ACTL8: variants seen among roughly 807,000 people sequenced by gnomAD.
ACTL8 encodes the protein actin like 8.
Under a neutral mutation model 9.3 loss-of-function variants are expected in ACTL8, and 3 were observed. That is an observed-to-expected ratio of 0.32 (90% CI 0.15 to 0.83). The LOEUF is 0.83. Ranked by LOEUF, ACTL8 falls within the 40% of genes least tolerant of loss-of-function variation. ACTL8 has a pLI of 0.57. For synonymous variants in ACTL8, 224 were observed against 205.9 expected, an observed-to-expected ratio of 1.09 and a Z score of -0.75; for missense variants, 381 against 492.2, an observed-to-expected ratio of 0.77 and a Z score of 2.14.
Position 17,790,249 on chromosome 1 carries a change from C to T in ACTL8, c.-24-32736C>T, listed in dbSNP as rs370951175. ...GGAGTCACAGCCCTGGCATGGGGAG[C>T]TCCCAGGTCTGGGCTCCCTGAAGGG... On this transcript the variant is annotated intron_variant, in intron 1 of 2. Transcript: ENST00000375406. 1.8e-4 allele frequency among the ~76,000 whole-genome samples: 28 copies of T among 152,376 alleles called. No homozygotes were observed. The East Asian group carries it at 3.7e-3, about 20-fold the overall frequency.
At chr1:17,773,484 T>C (rs536698170) in intron 1 of ACTL8, among the ~76,000 whole-genome samples, 4 of 152,354 alleles carry the variant, frequency 2.6e-5, no homozygotes, top group African/African-American at 9.6e-5. Context: ...AATAGCCAAA[T>C]ACAGTGGTAG....
At chr1:17,777,865 T>G (rs1267344881) in intron 1 of ACTL8, among the ~76,000 whole-genome samples, 1 of 152,076 alleles carries the variant, frequency 6.6e-6, no homozygotes, top group Non-Finnish European at 1.5e-5. Context: ...GCCCGGCTAA[T>G]TTTTGTGTTT....
At chr1:17,765,185 C>T (rs562724065) in intron 1 of ACTL8, among the ~76,000 whole-genome samples, 93 of 152,260 alleles carry the variant, frequency 6.1e-4, no homozygotes, top group Non-Finnish European at 1.1e-3. Flanking sequence ...TTGGGGCTGG[C>T]CTTCCTCCTC....
intron 1 of ACTL8, among the ~76,000 whole-genome samples, chr1:17,822,172 G>A (rs980796439): frequency 1.3e-5 from 2 of 152,110 alleles, no homozygotes; most frequent in Admixed American, 6.5e-5. Context: ...TGATGCTCAG[G>A]ACATCGCCTT....
In ACTL8 at chr1:17,821,082, A is replaced by G. The variant is rs1207438913; in HGVS notation, c.-24-1903A>G. On this transcript the variant is annotated intron_variant, in intron 1 of 2. Transcript: ENST00000375406. ...CTTTTCATGTGTTTATGTGCCATCC[A>G]TCTATCTTCTTTGGTGAAGTGATTC... 3.3e-5 allele frequency among the ~76,000 whole-genome samples: 5 copies of G among 152,216 alleles called. No individual in the cohort carries two copies. In the South Asian group the frequency reaches 8.3e-4, roughly 25 times the overall value.
At chr1:17,805,623 C>A (rs1193932921) in intron 1 of ACTL8, among the ~76,000 whole-genome samples, 1 of 152,070 alleles carries the variant, frequency 6.6e-6, no homozygotes, top group African/African-American at 2.4e-5. Flanking sequence ...TTGTGATCCA[C>A]CGCCTCAGCC....
At chr1:17,766,524 T>C (rs2066045758) in intron 1 of ACTL8, among the ~76,000 whole-genome samples, 1 of 152,152 alleles carries the variant, frequency 6.6e-6, no homozygotes, top group Admixed American at 6.5e-5. Context: ...AGAGTAGCAA[T>C]AGCAAAAGCA....
At chr1:17,789,323 T>C (rs958219849) in intron 1 of ACTL8, among the ~76,000 whole-genome samples, 10 of 152,130 alleles carry the variant, frequency 6.6e-5, no homozygotes, top group African/African-American at 2.2e-4. Context: ...GAATAACTTC[T>C]CCCATGCTCC....
chr1:17,823,550 C>T lies in ACTL8; in HGVS notation c.348+194C>T, dbSNP rs1267449042. Among the ~76,000 whole-genome samples, 1 of 152,102 alleles carries T rather than the reference C, an allele frequency of 6.6e-6. No individual in the cohort carries two copies. Among genetic ancestry groups the T allele is most frequent in the East Asian group, 1.9e-4 (1 of 5,184 alleles). On this transcript the variant is annotated intron_variant, in intron 2 of 2. Coordinates refer to ENST00000375406, the MANE Select transcript of ACTL8 (RefSeq NM_030812.3). The surrounding 1 kb of genome is among the most constrained non-coding windows in gnomAD (Gnocchi z 5.3). ...TTGAGCCCAGGAGTTCAGGACCAGC[C>T]TGGGCAATATAGTGAGACCCCTGTC...
chr1:17,758,054 A>G (rs2065979075), intron 1 of ACTL8, among the ~76,000 whole-genome samples: 1 of 152,256 alleles, frequency 6.6e-6, no homozygotes, highest in South Asian at 2.1e-4. Context: ...ACCCAAAGAC[A>G]GAGACATAGA....
intron 1 of ACTL8, among the ~76,000 whole-genome samples, chr1:17,801,709 C>A (rs946722293): frequency 4.0e-5 from 6 of 150,380 alleles, no homozygotes; most frequent in South Asian, 2.1e-4. Flanking sequence ...GTAAAAAAAA[C>A]AATTTCTGAA....
chr1:17,816,129 T>C (rs180842774), intron 1 of ACTL8, among the ~76,000 whole-genome samples: 72 of 152,276 alleles, frequency 4.7e-4, no homozygotes, highest in Admixed American at 2.5e-3. Context: ...TGTCAGCGAA[T>C]TTGAAATGTA....
intron 1 of ACTL8, among the ~76,000 whole-genome samples, chr1:17,819,865 G>A (rs1422101061): frequency 6.6e-6 from 1 of 151,846 alleles, no homozygotes; most frequent in Non-Finnish European, 1.5e-5. Flanking sequence ...AAAATTAGCT[G>A]GGTGTGCATG....
intron 1 of ACTL8, among the ~76,000 whole-genome samples, chr1:17,761,610 A>C (rs1464098770): frequency 6.6e-6 from 1 of 151,560 alleles, no homozygotes; most frequent in African/African-American, 2.4e-5. Context: ...TCGCTGTTTC[A>C]CCTAGGCTGG....
chr1:17,824,564 G>A (rs939242151), intron 2 of ACTL8, among the ~76,000 whole-genome samples: 3 of 152,298 alleles, frequency 2.0e-5, no homozygotes, highest in South Asian at 2.1e-4. Flanking sequence ...GGTAAAATAC[G>A]TGATGCCTAG....
At chr1:17,817,965 G>A (rs1292251533) in intron 1 of ACTL8, among the ~76,000 whole-genome samples, 1 of 152,158 alleles carries the variant, frequency 6.6e-6, no homozygotes, top group Non-Finnish European at 1.5e-5. Flanking sequence ...GCCTTCCAAA[G>A]TGCTGGGATT....
intron 1 of ACTL8, among the ~76,000 whole-genome samples, chr1:17,808,428 A>G (rs1228597821): frequency 2.0e-5 from 3 of 152,244 alleles, no homozygotes; most frequent in African/African-American, 7.2e-5. Flanking sequence ...TTCAGGCCAC[A>G]TAATTAATCA....
chr1:17,762,646 C>A (rs1487273820), intron 1 of ACTL8, among the ~76,000 whole-genome samples: 1 of 152,114 alleles, frequency 6.6e-6, no homozygotes, highest in African/African-American at 2.4e-5. Context: ...TATCGAACCC[C>A]AGGGGGTTGG....
At chr1:17,791,415 T>G (rs2066238434) in intron 1 of ACTL8, among the ~76,000 whole-genome samples, 2 of 150,266 alleles carry the variant, frequency 1.3e-5, no homozygotes, top group Non-Finnish European at 3.0e-5. Flanking sequence ...GAAGCAGCTT[T>G]CCAGGGCCAC....
Sources: gnomAD v4.1 joint callset for allele counts (sites outside exome capture counted in the v4.1 genomes callset) on GRCh38, gnomAD v4.1.1 for gene constraint, Gnocchi (gnomAD v3.1) non-coding constraint, MANE v1.5 for transcripts, NCBI Gene and HGNC (gene_info 2026-07-23, HGNC 2026-07-21) for gene names.